Variants in ELOVL6 observed in about 807,000 individuals in gnomAD.
ELOVL6 encodes ELOVL fatty acid elongase 6.
A neutral mutation model predicts 31.7 loss-of-function variants in ELOVL6; 8 were observed. The observed-to-expected ratio is 0.25, with a 90% CI of 0.15 to 0.45. The LOEUF (loss-of-function observed/expected upper bound fraction) is 0.45. Among genes scored for constraint, ELOVL6 ranks in the 20% least tolerant of loss-of-function variants. The probability of loss-of-function intolerance (pLI) is 1.00; values close to 1 mark genes in which losing one functional copy is unlikely to be tolerated. For synonymous variants in ELOVL6, 101 were observed against 117.7 expected (o/e 0.86, Z 0.92); for missense variants, 126 against 326.4 (o/e 0.39, Z 4.73).
chr4:110,051,832 A>G lies in ELOVL6; in HGVS notation c.374-70T>C. 1 of 1,344,072 alleles carries G rather than the reference A, an allele frequency of 7.4e-7. No homozygotes were observed. The highest frequency in any genetic ancestry group is 1.0e-6 in the Non-Finnish European group (1 of 967,512). The allele number at this position is 1,344,072 out of a possible 1,614,324, so 83.3% of individuals were successfully genotyped here. ...AGTAACGATGACTTACAGTTTTGTA[A>G]GAGGGTAGACATCCTGAGCTAGGAC... On this transcript the variant is annotated intron_variant, in intron 3 of 3. Transcript: ENST00000302274. This position sits in a 1 kb window ranked among gnomAD's most constrained non-coding sequence, Gnocchi z 4.8.
At chr4:110,192,552 A>C (rs1282639621) in intron 1 of ELOVL6, among the ~76,000 whole-genome samples, 1 of 152,222 alleles carries the variant, frequency 6.6e-6, no homozygotes, top group Admixed American at 6.5e-5. Context: ...AATTTTAAGC[A>C]CTAATTATAA....
intron 2 of ELOVL6, among the ~76,000 whole-genome samples, chr4:110,066,617 C>T (rs1210197350): frequency 5.3e-5 from 6 of 114,194 alleles, no homozygotes; most frequent in Admixed American, 1.3e-4. Context: ...CCAGCCTGGG[C>T]GACAGAGACT....
intron 1 of ELOVL6, among the ~76,000 whole-genome samples, chr4:110,173,276 T>C (rs560446320): frequency 6.6e-6 from 1 of 152,208 alleles, no homozygotes; most frequent in East Asian, 1.9e-4. Context: ...GCAGGTGAGA[T>C]GTGATCCCAG....
At chr4:110,181,317 G>A (rs1343648677) in intron 1 of ELOVL6, among the ~76,000 whole-genome samples, 1 of 151,954 alleles carries the variant, frequency 6.6e-6, no homozygotes, top group East Asian at 1.9e-4. Flanking sequence ...GTGTGGTGGT[G>A]TGCACCTGTA....
chr4:110,182,644 C>T (rs1759321495), intron 1 of ELOVL6, among the ~76,000 whole-genome samples: 1 of 152,162 alleles, frequency 6.6e-6, no homozygotes, highest in Non-Finnish European at 1.5e-5. Flanking sequence ...CGCGGTGGCT[C>T]ATGCTTGTAA....
chr4:110,088,684 T>C (rs753651758), intron 2 of ELOVL6, among the ~76,000 whole-genome samples: 2 of 152,192 alleles, frequency 1.3e-5, no homozygotes, highest in Non-Finnish European at 2.9e-5. Context: ...AGCATCACTA[T>C]TGCACTTGCA....
chr4:110,054,251 T>C (rs1452247770), intron 3 of ELOVL6, among the ~76,000 whole-genome samples: 4 of 152,350 alleles, frequency 2.6e-5, no homozygotes, highest in Admixed American at 2.6e-4. Context: ...CTGATAATGA[T>C]GGATGATGAT....
chr4:110,168,698 G>A (rs926978377), intron 1 of ELOVL6, among the ~76,000 whole-genome samples: 6 of 152,060 alleles, frequency 3.9e-5, no homozygotes, highest in African/African-American at 1.4e-4. Context: ...GACGTCATAA[G>A]CCAAAGCAGG....
chr4:110,114,154 A>C (rs1459285632), intron 1 of ELOVL6, among the ~76,000 whole-genome samples: 1 of 152,342 alleles, frequency 6.6e-6, no homozygotes, highest in South Asian at 2.1e-4. Context: ...AATGCCTCCT[A>C]TTAAATAAGA....
chr4:110,130,766 T>C (rs1162899601), intron 1 of ELOVL6, among the ~76,000 whole-genome samples: 2 of 152,318 alleles, frequency 1.3e-5, no homozygotes, highest in East Asian at 3.9e-4. Flanking sequence ...ACTCAGAAGC[T>C]CAACCTGTCT....
intron 1 of ELOVL6, among the ~76,000 whole-genome samples, chr4:110,134,030 C>T (rs1046431278): frequency 4.6e-5 from 7 of 152,232 alleles, no homozygotes; most frequent in East Asian, 3.9e-4. Context: ...TAAGGCTTAC[C>T]GGCATTAAAA....
chr4:110,076,368 G>C (rs1047143738), intron 2 of ELOVL6, among the ~76,000 whole-genome samples: 3 of 152,130 alleles, frequency 2.0e-5, no homozygotes, highest in Non-Finnish European at 4.4e-5. Flanking sequence ...ATTCCATGGT[G>C]ATGTTTTAGT....
chr4:110,073,643 T>A (rs1578455337), intron 2 of ELOVL6, among the ~76,000 whole-genome samples: 1 of 152,338 alleles, frequency 6.6e-6, no homozygotes, highest in African/African-American at 2.4e-5. Flanking sequence ...GAACGTATTT[T>A]TCTCCCTTCA....
At chr4:110,094,445 T>TATAAAAA (rs1560820750) in intron 2 of ELOVL6, among the ~76,000 whole-genome samples, 2 of 47,408 alleles carry the variant, frequency 4.2e-5, no homozygotes, top group African/African-American at 9.2e-5. Flanking sequence ...ATATATATAA[T>TATAAAAA]ATATATAACA....
intron 1 of ELOVL6, among the ~76,000 whole-genome samples, chr4:110,138,072 G>A (rs79746046): frequency 1.9e-3 from 289 of 152,324 alleles, no homozygotes; most frequent in African/African-American, 6.7e-3. Flanking sequence ...GCATAGAGCA[G>A]TTCTTCCACG....
intron 2 of ELOVL6, among the ~76,000 whole-genome samples, chr4:110,067,762 TA>T (rs1490541328): frequency 6.6e-6 from 1 of 152,228 alleles, no homozygotes; most frequent in East Asian, 1.9e-4. Flanking sequence ...TACATTTTTT[TA>T]AAGGTTATGC....
At chr4:110,139,372 T>C (rs925687112) in intron 1 of ELOVL6, among the ~76,000 whole-genome samples, 1 of 152,208 alleles carries the variant, frequency 6.6e-6, no homozygotes, top group African/African-American at 2.4e-5. Context: ...AAGACACATG[T>C]AGATAATCAC....
At chr4:110,187,465 T>C (rs1414265047) in intron 1 of ELOVL6, among the ~76,000 whole-genome samples, 3 of 150,946 alleles carry the variant, frequency 2.0e-5, no homozygotes, top group Non-Finnish European at 2.9e-5. Flanking sequence ...AAAAAATTGC[T>C]TGGGAGGCCG....
In ELOVL6 at chr4:110,084,023, A is replaced by ATATG. The variant is rs1419015050; in HGVS notation, c.221+21473_221+21474insCATA. 6.0e-4 allele frequency among the ~76,000 whole-genome samples: 41 copies of ATATG among 68,700 alleles called. 2 individuals are homozygous for ATATG. The highest frequency in any genetic ancestry group is 3.7e-3 in the South Asian group (8 of 2,150). 45.1% of individuals were successfully genotyped at this position (68,700 alleles called of 152,430 possible). On this transcript the variant is annotated intron_variant, in intron 2 of 3. Coordinates refer to ENST00000302274, the MANE Select transcript of ELOVL6 (RefSeq NM_024090.3). ...ATATGCCATATATGGTATATAACAT[A>ATATG]TGCCATATATGGTATATAACACATG...
Sources: gnomAD v4.1 joint callset for allele counts (sites outside exome capture counted in the v4.1 genomes callset) on GRCh38, gnomAD v4.1.1 for gene constraint, Gnocchi (gnomAD v3.1) non-coding constraint, MANE v1.5 for transcripts, NCBI Gene and HGNC (gene_info 2026-07-23, HGNC 2026-07-21) for gene names.